Variants in FAM20C observed in about 807,000 individuals in gnomAD.
The protein encoded by FAM20C is FAM20C golgi associated secretory pathway kinase.
A neutral mutation model predicts 51.5 loss-of-function variants in FAM20C; 40 were observed. That is an observed-to-expected ratio of 0.78 (90% CI 0.60 to 1.01). The LOEUF is 1.01. FAM20C is among the 50% of genes least tolerant of loss of function. The pLI is 0.00. For missense variants in FAM20C, 861 were observed against 844.7 expected (o/e 1.02, Z -0.24); for synonymous variants, 406 against 380.6 (o/e 1.07, Z -0.78).
intron 5 of FAM20C, among the ~76,000 whole-genome samples, chr7:251,268 A>ACGGCTG (rs1562396189): frequency 1.3e-5 from 1 of 78,506 alleles, no homozygotes. Context: ...ACGGTGGCTC[A>ACGGCTG]CACGCCTGCA....
intron 8 of FAM20C, among the ~76,000 whole-genome samples, chr7:258,255 G>GA (rs1562401727): frequency 4.5e-5 from 6 of 132,306 alleles, no homozygotes; most frequent in African/African-American, 1.4e-4. Flanking sequence ...ACTGCCTGAG[G>GA]TGCTGGAGAT....
intron 5 of FAM20C, among the ~76,000 whole-genome samples, chr7:255,464 C>G (rs1316701740): frequency 6.6e-6 from 1 of 152,210 alleles, no homozygotes; most frequent in Non-Finnish European, 1.5e-5. Flanking sequence ...TTCATACACT[C>G]TAAATGCTAG....
At chr7:194,050 C>A in intron 1 of FAM20C, 1 of 535,936 alleles carries the variant, frequency 1.9e-6, no homozygotes, top group Non-Finnish European at 3.0e-6. Context: ...AAGCCAGACC[C>A]CGCGCCCTTT....
chr7:201,215 A>AGG (rs1214429234), intron 2 of FAM20C, among the ~76,000 whole-genome samples: 1 of 152,172 alleles, frequency 6.6e-6, no homozygotes, highest in African/African-American at 2.4e-5. Flanking sequence ...TGTGAAGAGC[A>AGG]GGGGGACCGC....
rs1214096100 is a variant in FAM20C at position 224,056 on chromosome 7, C to T, written c.863+15080C>T. Among the ~76,000 whole-genome samples, 11 of 136,056 alleles carry T rather than the reference C, an allele frequency of 8.1e-5. No homozygotes were observed. The South Asian group carries it at 1.9e-3, about 24-fold the overall frequency. 89.3% of individuals were successfully genotyped at this position (136,056 alleles called of 152,430 possible). ...CTGTCCCCTGAGCCTTCTCTCATTG[C>T]GCAGAATGGCACCGTCACAGGGTCG... On this transcript the variant is annotated intron_variant, in intron 3 of 9. Transcript: ENST00000313766.
At chr7:196,277 G>C (rs1223894090) in intron 2 of FAM20C, among the ~76,000 whole-genome samples, 1 of 136,302 alleles carries the variant, frequency 7.3e-6, no homozygotes, top group African/African-American at 2.5e-5. Context: ...CTCCCAGATG[G>C]AGGAGTTTGA....
intron 3 of FAM20C, among the ~76,000 whole-genome samples, chr7:226,462 G>T (rs898529553): frequency 2.6e-5 from 4 of 152,182 alleles, no homozygotes; most frequent in Admixed American, 2.0e-4. Context: ...AGCCAAGGAC[G>T]AGGGCCCAAG....
At chr7:211,377 C>T (rs1786703371) in intron 3 of FAM20C, among the ~76,000 whole-genome samples, 1 of 150,756 alleles carries the variant, frequency 6.6e-6, no homozygotes, top group Non-Finnish European at 1.5e-5. Flanking sequence ...TCCAACCTCC[C>T]GGCCTGCCCC....
At position 258,447 on chromosome 7, in the gene FAM20C, G is replaced by GCA. The variant is rs1312008919; in HGVS notation, c.1446-199_1446-198insCA. On this transcript the variant is annotated intron_variant, in intron 8 of 9. Coordinates refer to ENST00000313766, the MANE Select transcript of FAM20C (RefSeq NM_020223.4). ...CCCACTGCCTGGGGTGCTGGAGATG[G>GCA]GTGGGATGGACCCACTGCCTGGGGT... 0.01 allele frequency among the ~76,000 whole-genome samples: 1,011 copies of GCA among 100,816 alleles called. 229 individuals are homozygous for GCA. Among genetic ancestry groups the GCA allele is most frequent in the Non-Finnish European group, 0.012 (578 of 47,866 alleles). The allele number at this position is 100,816 out of a possible 152,430, so 66.1% of individuals were successfully genotyped here. A position where few individuals can be genotyped will look rare whatever the true frequency, so the allele number is the denominator to read the frequency against.
intron 2 of FAM20C, among the ~76,000 whole-genome samples, chr7:204,226 C>T (rs1302265792): frequency 1.3e-5 from 2 of 152,252 alleles, no homozygotes; most frequent in African/African-American, 4.8e-5. Flanking sequence ...TGAAAACCCC[C>T]CGGTACCCGG....
At chr7:208,775 C>G in intron 2 of FAM20C, 123 bp from the exon 3 acceptor site, 1 of 913,402 alleles carries the variant, frequency 1.1e-6, no homozygotes, top group Middle Eastern at 2.2e-4. Context: ...ACTTCCCAGG[C>G]AGAGTGGGAC....
intron 3 of FAM20C, among the ~76,000 whole-genome samples, chr7:229,716 C>G (rs933798302): frequency 6.6e-6 from 1 of 152,212 alleles, no homozygotes; most frequent in African/African-American, 2.4e-5. Flanking sequence ...CCAGGGAGAG[C>G]CCCGCACCTT....
intron 2 of FAM20C, among the ~76,000 whole-genome samples, chr7:198,312 G>A (rs1785976339): frequency 6.6e-6 from 1 of 152,130 alleles, no homozygotes; most frequent in Non-Finnish European, 1.5e-5. Flanking sequence ...AGTGGAAGTG[G>A]GCAAATGGAT....
chr7:257,687 G>A (rs1788636742), intron 8 of FAM20C, among the ~76,000 whole-genome samples: 1 of 152,052 alleles, frequency 6.6e-6, no homozygotes, highest in African/African-American at 2.4e-5. Context: ...CCCTTCCCCA[G>A]GCCAGAGGCC....
At chr7:204,901 C>T (rs879852542) in intron 2 of FAM20C, among the ~76,000 whole-genome samples, 4 of 152,102 alleles carry the variant, frequency 2.6e-5, no homozygotes, top group Middle Eastern at 3.2e-3. Context: ...CCCACACTGC[C>T]GCTGTTCTCG....
rs572126546 is a variant in FAM20C at position 217,005 on chromosome 7, C to T, written c.863+8029C>T. Among the ~76,000 whole-genome samples the T allele has an allele frequency of 2.9e-4, 44 of 152,204 alleles. 2 individuals are homozygous for T. Among genetic ancestry groups the T allele is most frequent in the Middle Eastern group, 6.8e-3 (2 of 294 alleles). ...CTCATCCCAAGCAGCATCGTACTGG[C>T]GTGAAGAGGCCCTGTGTCATGTCTG... is the stretch of plus-strand genomic sequence containing the variant. On this transcript the variant is annotated intron_variant, in intron 3 of 9. Transcript: ENST00000313766.
chr7:256,974 G>T, intron 7 of FAM20C, 31 bp from the exon 8 acceptor site: 1 of 1,536,298 alleles, frequency 6.5e-7, no homozygotes, highest in South Asian at 1.2e-5. Flanking sequence ...GGCTCCCCAC[G>T]AGCTGTGACA....
At chr7:214,767 T>C (rs1165316234) in intron 3 of FAM20C, among the ~76,000 whole-genome samples, 3 of 152,162 alleles carry the variant, frequency 2.0e-5, no homozygotes, top group Non-Finnish European at 4.4e-5. Context: ...GGACTGAGCA[T>C]GGGTTTGAGT....
chr7:251,331 C>T (rs1021609028), intron 5 of FAM20C, among the ~76,000 whole-genome samples: 2 of 152,204 alleles, frequency 1.3e-5, no homozygotes, highest in African/African-American at 4.8e-5. Flanking sequence ...TCAGCCTGGA[C>T]AACGTAGCGA....
Sources: allele counts gnomAD v4.1 joint callset (sites outside exome capture counted in the v4.1 genomes callset), GRCh38; gene constraint gnomAD v4.1.1; transcripts MANE v1.5; gene names NCBI Gene and HGNC (gene_info 2026-07-23, HGNC 2026-07-21).